The following GPC3 variants were observed in gnomAD, a reference collection of about 807,000 sequenced individuals.
GPC3 encodes the protein glypican 3, also known as glypican-3.
A neutral mutation model predicts 34.4 loss-of-function variants in GPC3; 3 were observed. The ratio of observed to expected loss-of-function variants is 0.09; its 90% CI spans 0.04 to 0.23. The LOEUF is 0.23. GPC3 is among the 10% of genes least tolerant of loss of function. The pLI, the probability that GPC3 is intolerant of heterozygous loss-of-function variation, is 1.00. For missense variants in GPC3, 351 were observed against 445.6 expected (o/e 0.79, Z 1.91); for synonymous variants, 177 against 174.0 (o/e 1.02, Z -0.13).
At chrX:133,946,295 C>G (rs998698333) in intron 2 of GPC3, among the ~76,000 whole-genome samples, 7 of 111,737 alleles carry the variant, frequency 6.3e-5, no homozygotes, top group African/African-American at 2.3e-4. Flanking sequence ...GTACTTCCTG[C>G]GTTCAATTCT....
chrX:133,685,585 A>T (rs1305969636), intron 5 of GPC3, among the ~76,000 whole-genome samples: 2 of 109,361 alleles, frequency 1.8e-5, no homozygotes, highest in East Asian at 2.9e-4. Flanking sequence ...TATATATATA[A>T]AATTTCTCAG....
intron 2 of GPC3, among the ~76,000 whole-genome samples, chrX:133,902,787 T>A (rs1352946063): frequency 8.9e-6 from 1 of 112,173 alleles, no homozygotes; most frequent in Non-Finnish European, 1.9e-5. Flanking sequence ...TCCATGATTC[T>A]ACCACACAAA....
At chrX:133,978,520 T>C (rs192466568) in intron 1 of GPC3, among the ~76,000 whole-genome samples, 139 of 111,879 alleles carry the variant, frequency 1.2e-3, no homozygotes, top group African/African-American at 4.3e-3. Flanking sequence ...GTCTACTTCT[T>C]CCAGAGAGTT....
chrX:133,576,587 T>C (rs1179684218), intron 7 of GPC3, among the ~76,000 whole-genome samples: 1 of 111,197 alleles, frequency 9.0e-6, no homozygotes, highest in Admixed American at 9.7e-5. Context: ...TTATTTAATT[T>C]AACTCTCTGA....
intron 2 of GPC3, among the ~76,000 whole-genome samples, chrX:133,803,569 C>G (rs925128076): frequency 3.2e-4 from 36 of 111,803 alleles, no homozygotes; most frequent in African/African-American, 1.1e-3. Context: ...AAGACATAGT[C>G]AAAGGGGAAA....
intron 2 of GPC3, among the ~76,000 whole-genome samples, chrX:133,762,604 C>T (rs963587875): frequency 8.1e-5 from 9 of 111,283 alleles, no homozygotes; most frequent in Admixed American, 9.5e-5. Context: ...AACAAACATA[C>T]GAAAAAAAAT....
intron 2 of GPC3, among the ~76,000 whole-genome samples, chrX:133,819,217 C>T (rs532241771): frequency 1.1e-5 from 1 of 88,473 alleles, no homozygotes; most frequent in South Asian, 6.8e-4. Flanking sequence ...TTGTTCAATT[C>T]CCACCTGTGA....
intron 2 of GPC3, among the ~76,000 whole-genome samples, chrX:133,893,113 C>G (rs1395061672): frequency 1.8e-5 from 2 of 110,904 alleles, no homozygotes; most frequent in Admixed American, 1.9e-4. Flanking sequence ...AAATATTAGC[C>G]AGACGTAGTG....
At position 133,935,999 on chromosome X, in the gene GPC3, A is replaced by G. The variant is rs186043850; in HGVS notation, c.337+17051T>C. 6.4e-5 allele frequency among the ~76,000 whole-genome samples: 7 copies of G among 108,687 alleles called. No homozygotes were observed. In the East Asian group the frequency reaches 2.0e-3, roughly 31 times the overall value. 94.4% of individuals were successfully genotyped at this position (108,687 alleles called of 115,157 possible). A position where few individuals can be genotyped will look rare whatever the true frequency, so the allele number is the denominator to read the frequency against. The stretch of plus-strand genomic sequence containing the variant: ...GTGATCTCGACTCACTGCAACCTCT[A>G]CCTCCCAGGCTGAAGCGATCCTCCC... On this transcript the variant is annotated intron_variant, in intron 2 of 7. Coordinates refer to ENST00000370818, the MANE Select transcript of GPC3 (RefSeq NM_004484.4).
At chrX:133,595,524 T>C (rs1406838808) in intron 7 of GPC3, among the ~76,000 whole-genome samples, 1 of 111,162 alleles carries the variant, frequency 9.0e-6, no homozygotes, top group Non-Finnish European at 1.9e-5. Context: ...GCTCTTGTTG[T>C]TTAGTTATTA....
At chrX:133,693,192 TGTGTGTGTGA>T (rs1316498137) in intron 4 of GPC3, among the ~76,000 whole-genome samples, 39 of 104,785 alleles carry the variant, frequency 3.7e-4, no homozygotes, top group African/African-American at 1.4e-3. Context: ...TGTGTGTGTG[TGTGTGTGTGA>T]GACAGAGAGA....
intron 2 of GPC3, among the ~76,000 whole-genome samples, chrX:133,845,048 C>T (rs2075841712): frequency 9.0e-6 from 1 of 111,647 alleles, no homozygotes; most frequent in African/African-American, 3.3e-5. Context: ...TTGCACTCCC[C>T]TCACAGTCCT....
chrX:133,657,222 G>A (rs1029184182), intron 6 of GPC3, among the ~76,000 whole-genome samples: 12 of 112,001 alleles, frequency 1.1e-4, no homozygotes, highest in Non-Finnish European at 2.3e-4. Context: ...AATAAGTCCT[G>A]TAGCAGTTTA....
At chrX:133,960,697 AT>A (rs201343620) in intron 1 of GPC3, among the ~76,000 whole-genome samples, 2,465 of 105,727 alleles carry the variant, frequency 0.023, 34 homozygotes, top group Non-Finnish European at 0.039. Flanking sequence ...ATGGCAGATT[AT>A]TTTTTTTTTT....
intron 2 of GPC3, among the ~76,000 whole-genome samples, chrX:133,854,639 G>A (rs1207121783): frequency 8.9e-6 from 1 of 112,016 alleles, no homozygotes; most frequent in Non-Finnish European, 1.9e-5. Context: ...TGCGTTGAAA[G>A]CCACATGTCA....
chrX:133,701,908 C>G (rs1381449481), intron 3 of GPC3, among the ~76,000 whole-genome samples: 1 of 112,089 alleles, frequency 8.9e-6, no homozygotes, highest in Non-Finnish European at 1.9e-5. Flanking sequence ...AAGATAGCAT[C>G]TATAGTTTGA....
At chrX:133,621,909 G>A (rs1020493080) in intron 6 of GPC3, among the ~76,000 whole-genome samples, 7 of 112,212 alleles carry the variant, frequency 6.2e-5, no homozygotes, top group Admixed American at 4.7e-4. Context: ...CCCAGAAGGG[G>A]CCAACTGACA....
chrX:133,660,498 C>T (rs957741038), intron 6 of GPC3, among the ~76,000 whole-genome samples: 1 of 111,660 alleles, frequency 9.0e-6, no homozygotes, highest in Non-Finnish European at 1.9e-5. Context: ...TACTAAACTT[C>T]TTATGAGAGG....
At position 133,555,322 on chromosome X, in the gene GPC3, G is replaced by T. The variant is rs142265284; in HGVS notation, c.1574-19029C>A. 2.3e-3 allele frequency among the ~76,000 whole-genome samples: 259 copies of T among 112,569 alleles called. 1 individual carries two copies. Among genetic ancestry groups the T allele is most frequent in the African/African-American group, 7.9e-3 (246 of 31,041 alleles). ...TTCCTTTGCAGGCTCTTTTGCCTCT[G>T]CTCATTTCTTAAAGATGGATATTCT... On this transcript the variant is annotated intron_variant, in intron 7 of 7. Transcript: ENST00000370818.
Sources: allele counts gnomAD v4.1 joint callset (sites outside exome capture counted in the v4.1 genomes callset), GRCh38; gene constraint gnomAD v4.1.1; transcripts MANE v1.5; gene names NCBI Gene and HGNC (gene_info 2026-07-23, HGNC 2026-07-21).